Variants in DNMT3B observed in about 807,000 individuals in gnomAD.
DNMT3B encodes the protein DNA methyltransferase 3 beta.
In DNMT3B, 37 loss-of-function variants were observed where a neutral mutation model predicts 120.2. The observed-to-expected ratio is 0.31, with a 90% CI of 0.24 to 0.40. The LOEUF is 0.40. DNMT3B is among the 10% of genes least tolerant of loss of function. The pLI is 1.00. For missense variants in DNMT3B, 878 were observed against 1,137.3 expected (o/e 0.77, Z 3.28); for synonymous variants, 412 against 442.8 (o/e 0.93, Z 0.87).
intron 1 of DNMT3B, among the ~76,000 whole-genome samples, chr20:32,772,918 C>A (rs1374370949): frequency 2.8e-5 from 4 of 145,268 alleles, no homozygotes; most frequent in African/African-American, 1.0e-4. Flanking sequence ...TCTTGTTGCC[C>A]AGGCTAGAGT....
chr20:32,784,977 A>G (rs1320891612), intron 4 of DNMT3B, 118 bp downstream of exon 4: 2 of 989,664 alleles, frequency 2.0e-6, no homozygotes, highest in Non-Finnish European at 3.1e-6. Flanking sequence ...GTGATGAAAA[A>G]ATGTTTTGAA....
chr20:32,806,467 A>G (rs1601142247), intron 22 of DNMT3B, 140 bp downstream of exon 22: 4 of 833,836 alleles, frequency 4.8e-6, no homozygotes, highest in Non-Finnish European at 4.0e-6. Flanking sequence ...ATACCTTTTC[A>G]TAGTTCGCCC....
intron 1 of DNMT3B, among the ~76,000 whole-genome samples, chr20:32,777,582 G>C (rs1259575971): frequency 6.6e-6 from 1 of 152,146 alleles, no homozygotes; most frequent in African/African-American, 2.4e-5. Context: ...CCTCCCCCCA[G>C]AGCACTTTGG....
At chr20:32,775,626 C>T (rs1032272309) in intron 1 of DNMT3B, among the ~76,000 whole-genome samples, 3 of 152,246 alleles carry the variant, frequency 2.0e-5, no homozygotes, top group Admixed American at 2.0e-4. Context: ...CGCTGGACCC[C>T]AGCCTCTGGG....
In DNMT3B at chr20:32,784,770, G is replaced by A. The variant is rs868507905; in HGVS notation, c.217G>A (p.Asp73Asn). The A allele has an allele frequency of 8.7e-6, 14 of 1,613,968 alleles. No individual in the cohort carries two copies. The highest frequency in any genetic ancestry group is 1.3e-5 in the African/African-American group (1 of 74,872). Residue 73 changes from aspartate (D) to asparagine (N), a missense_variant, in exon 4 of 23, where the codon GAT becomes AAT. By Grantham distance (23) the Asp-to-Asn change is conservative (BLOSUM62 1). This residue lies in a region of DNMT3B where 287 missense variants were observed against 306.2 expected (regional missense o/e 0.94). Transcript: ENST00000328111. ...TTTCCTTATAAAGGACTTGACAGGC[G>A]ATGGCGACGGGGAAGATGGGGATGG... ...LLSYTQDLTG[D>N]GDGEDGDGSD...
intron 1 of DNMT3B, among the ~76,000 whole-genome samples, chr20:32,767,836 C>T (rs573357872): frequency 6.6e-6 from 1 of 152,334 alleles, no homozygotes; most frequent in South Asian, 2.1e-4. Flanking sequence ...AAGGGTCTAA[C>T]TCTTCCTTTG....
At chr20:32,799,912 A>G (rs1300891216) in intron 16 of DNMT3B, among the ~76,000 whole-genome samples, 1 of 138,580 alleles carries the variant, frequency 7.2e-6, no homozygotes, top group Non-Finnish European at 1.5e-5. Flanking sequence ...CCACATGCAT[A>G]AGTATAATTG....
At position 32,787,984 on chromosome 20, in the gene DNMT3B, A is replaced by G. The variant is rs573393028; in HGVS notation, c.654+533A>G. ...GGAGTTTTTTGAGCCACGAGGAGCCAGGAAAAGGGATTTCACAAGGTAATG... is the reference window on the plus strand; with the variant it reads ...GGAGTTTTTTGAGCCACGAGGAGCCGGGAAAAGGGATTTCACAAGGTAATG... On this transcript the variant is annotated intron_variant, in intron 6 of 22. Transcript: ENST00000328111. Among the ~76,000 whole-genome samples the G allele has an allele frequency of 4.1e-4, 62 of 152,322 alleles. 2 individuals are homozygous for G. The highest frequency in any genetic ancestry group is 3.1e-4 in the Non-Finnish European group (21 of 68,030).
chr20:32,765,643 A>G (rs1176489730), intron 1 of DNMT3B, among the ~76,000 whole-genome samples: 1 of 142,326 alleles, frequency 7.0e-6, no homozygotes, highest in Non-Finnish European at 1.5e-5. Flanking sequence ...CCGGTCTCAA[A>G]CTCCTGACCT....
Position 32,806,293 on chromosome 20 carries a change from A to G in DNMT3B, c.2386A>G (p.Lys796Glu), listed in dbSNP as rs1325488291. The stretch of plus-strand genomic sequence containing the variant: ...ACTTTTCCCTGTTGTCATGAATGGC[A>G]AAGAAGATGTTTTGTGGTGCACTGA... Reference protein sequence around the residue: ...NQLFPVVMNGKEDVLWCTELE... With the variant: ...NQLFPVVMNGEEDVLWCTELE... The change falls in exon 22 of 23, where the codon AAA becomes GAA. Residue 796 changes from lysine to glutamate, a missense_variant. Coordinates refer to ENST00000328111, the MANE Select transcript of DNMT3B (RefSeq NM_006892.4). 1.2e-6 allele frequency: 2 copies of G among 1,614,114 alleles called. No homozygotes were observed. The highest frequency in any genetic ancestry group is 1.7e-6 in the Non-Finnish European group (2 of 1,180,060).
intron 5 of DNMT3B, 57 bp from the exon 6 acceptor site, chr20:32,787,173 T>A (rs898947386): frequency 1.9e-6 from 3 of 1,607,738 alleles, no homozygotes. Flanking sequence ...GTGCCGTTGG[T>A]CTCTGGTCAC....
intron 4 of DNMT3B, among the ~76,000 whole-genome samples, chr20:32,785,435 G>A (rs867968384): frequency 2.0e-5 from 3 of 152,300 alleles, no homozygotes; most frequent in South Asian, 4.1e-4. Flanking sequence ...AGTTTGCAGG[G>A]TGGATGGCTC....
At chr20:32,799,099 A>C (rs1601122933) in intron 15 of DNMT3B, 145 bp from the exon 16 acceptor site, 2 of 848,390 alleles carry the variant, frequency 2.4e-6, no homozygotes. Context: ...TTGTCTCCCC[A>C]ATCCCCATCA....
chr20:32,803,731 G>T (rs983607644), intron 20 of DNMT3B, among the ~76,000 whole-genome samples: 1 of 152,170 alleles, frequency 6.6e-6, no homozygotes, highest in African/African-American at 2.4e-5. Context: ...ACTCCAGGTG[G>T]GAAGAGGGTC....
rs1389739340 is a variant in DNMT3B, at chr20:32,800,130, C to T, written c.1760-23C>T. 3 of 1,614,166 alleles carry T rather than the reference C, an allele frequency of 1.9e-6. No homozygotes were observed. The Admixed American group carries it at 5.0e-5, about 27-fold the overall frequency. ...TGTGTGCTCAGCATCATTTATGCTT[C>T]TGTGTCTCTCTGGCCCCCACAGGCT... On this transcript the variant is annotated intron_variant, in intron 16 of 22. Coordinates refer to ENST00000328111, the MANE Select transcript of DNMT3B (RefSeq NM_006892.4).
At chr20:32,772,896 A>ATTT (rs1987828831) in intron 1 of DNMT3B, among the ~76,000 whole-genome samples, 1 of 94,244 alleles carries the variant, frequency 1.1e-5, no homozygotes, top group Admixed American at 1.3e-4. Flanking sequence ...TTTTTTTGAG[A>ATTT]TGGAGTTTCG....
chr20:32,796,709 T>G, intron 12 of DNMT3B, 81 bp from the exon 13 acceptor site: 1 of 1,503,682 alleles, frequency 6.7e-7, no homozygotes, highest in South Asian at 1.1e-5. Flanking sequence ...AGGGAAATCT[T>G]AGGAACTGAG....
intron 1 of DNMT3B, among the ~76,000 whole-genome samples, chr20:32,775,092 G>A (rs112621436): frequency 0.026 from 3,977 of 152,030 alleles, 92 homozygotes; most frequent in Middle Eastern, 0.051. Flanking sequence ...TCCTGACCTC[G>A]GGTGGTCCAC....
At chr20:32,802,550 G>A (rs1981482756) in intron 20 of DNMT3B, 80 bp downstream of exon 20, 2 of 1,398,072 alleles carry the variant, frequency 1.4e-6, no homozygotes, top group Middle Eastern at 3.5e-4. Flanking sequence ...AGCCTTCCTA[G>A]AAAGACCTGG....
Sources: allele counts gnomAD v4.1 joint callset (sites outside exome capture counted in the v4.1 genomes callset), GRCh38; gene constraint gnomAD v4.1.1; regional missense constraint gnomAD v4.1.1; transcripts MANE v1.5; gene names NCBI Gene and HGNC (gene_info 2026-07-23, HGNC 2026-07-21).